PRRC2C: variants seen among roughly 807,000 people sequenced by gnomAD.
The protein encoded by PRRC2C is protein PRRC2C.
Under a neutral mutation model 317.2 loss-of-function variants are expected in PRRC2C, and 72 were observed. The ratio of observed to expected loss-of-function variants is 0.23; its 90% CI spans 0.19 to 0.28. The LOEUF (loss-of-function observed/expected upper bound fraction) is 0.28, where lower values mean the gene tolerates loss of function less well. Among genes scored for constraint, PRRC2C ranks in the 10% least tolerant of loss-of-function variants. The pLI is 1.00. For synonymous variants in PRRC2C, 1,296 were observed against 1,205.9 expected, an observed-to-expected ratio of 1.07 and a Z score of -1.55; for missense variants, 3,074 against 3,459.7, an observed-to-expected ratio of 0.89 and a Z score of 2.80.
chr1:171,588,881 T>C (rs1319544498), intron 33 of PRRC2C, among the ~76,000 whole-genome samples: 1 of 152,204 alleles, frequency 6.6e-6, no homozygotes, highest in African/African-American at 2.4e-5. Context: ...AGATAAAATT[T>C]CCAAAAAGAT....
chr1:171,582,723 T>C (rs539907101), intron 28 of PRRC2C, among the ~76,000 whole-genome samples: 2 of 152,192 alleles, frequency 1.3e-5, no homozygotes, highest in Admixed American at 6.5e-5. Context: ...GTACGTACCA[T>C]GTATAGAGCA....
chr1:171,515,462 A>C (rs1171132248), intron 4 of PRRC2C, among the ~76,000 whole-genome samples: 1 of 152,226 alleles, frequency 6.6e-6, no homozygotes, highest in African/African-American at 2.4e-5. Context: ...ATAATGAAAG[A>C]GAAACAAGCT....
intron 5 of PRRC2C, among the ~76,000 whole-genome samples, chr1:171,516,472 T>G (rs1170363265): frequency 1.3e-5 from 2 of 152,220 alleles, no homozygotes; most frequent in Non-Finnish European, 2.9e-5. Flanking sequence ...TATTTCACAT[T>G]TTTTAGCTCT....
In PRRC2C at chr1:171,591,883, CGGGAA is replaced by C; in HGVS notation, c.*37_*41del. On this transcript the variant is annotated 3_prime_UTR_variant, in exon 35 of 35. Coordinates refer to ENST00000647382, the MANE Select transcript of PRRC2C (RefSeq NM_001387844.1). ...TTATTGCAGGGGATTGGGAGGGGGG[CGGGAA>C]AACATGGAGAATTAAGTCAGATAAT... The C allele has an allele frequency of 4.4e-6, 5 of 1,126,324 alleles. No homozygotes were observed. The highest frequency in any genetic ancestry group is 1.8e-5 in the African/African-American group (1 of 55,068). 69.8% of individuals were successfully genotyped at this position (1,126,324 alleles called of 1,614,324 possible).
chr1:171,506,902 TAC>T (rs1670365097), intron 1 of PRRC2C, among the ~76,000 whole-genome samples: 1 of 152,288 alleles, frequency 6.6e-6, no homozygotes. Context: ...ACATATAGAA[TAC>T]AGTTATAAAG....
chr1:171,569,889 T>C (rs1445105101), intron 23 of PRRC2C, among the ~76,000 whole-genome samples: 1 of 152,006 alleles, frequency 6.6e-6, no homozygotes, highest in East Asian at 1.9e-4. Flanking sequence ...AAAAAATTAT[T>C]ATTCTCAGAA....
intron 11 of PRRC2C, among the ~76,000 whole-genome samples, chr1:171,528,784 C>T (rs1384527194): frequency 6.6e-6 from 1 of 152,022 alleles, no homozygotes. Context: ...GAGTCATTGA[C>T]ATAGTTGATT....
At chr1:171,528,445 C>T (rs1044571943) in intron 11 of PRRC2C, among the ~76,000 whole-genome samples, 4 of 152,054 alleles carry the variant, frequency 2.6e-5, no homozygotes, top group South Asian at 2.1e-4. Context: ...CCCGCCACCA[C>T]GCCCGGCTAA....
rs59582313 is a variant in PRRC2C, at chr1:171,577,950, C to CTT, written c.7159+330_7159+331dup. Among the ~76,000 whole-genome samples, 66 of 103,732 alleles carry CTT rather than the reference C, an allele frequency of 6.4e-4. 1 individual carries two copies. Among genetic ancestry groups the CTT allele is most frequent in the South Asian group, 1.4e-3 (4 of 2,800 alleles). 68.1% of individuals were successfully genotyped at this position (103,732 alleles called of 152,430 possible). On this transcript the variant is annotated intron_variant, in intron 26 of 34. Coordinates refer to ENST00000647382, the MANE Select transcript of PRRC2C (RefSeq NM_001387844.1). ...ACACCACCACACCCAGCTAATTTTT[C>CTT]TTTTTTTTTTTTTTTTTTGCATTTT... is the stretch of plus-strand genomic sequence containing the variant.
At chr1:171,544,869 C>T (rs1431474935) in intron 16 of PRRC2C, among the ~76,000 whole-genome samples, 2 of 152,058 alleles carry the variant, frequency 1.3e-5, no homozygotes, top group Non-Finnish European at 2.9e-5. Flanking sequence ...AATTAGTAAA[C>T]CCATTTCCCA....
At chr1:171,504,584 G>A (rs1669825487) in intron 1 of PRRC2C, among the ~76,000 whole-genome samples, 1 of 152,160 alleles carries the variant, frequency 6.6e-6, no homozygotes, top group African/African-American at 2.4e-5. Context: ...ATGCTTATGT[G>A]TATTTATATT....
At chr1:171,526,701 A>C (rs1389758697) in intron 10 of PRRC2C, among the ~76,000 whole-genome samples, 1 of 152,146 alleles carries the variant, frequency 6.6e-6, no homozygotes, top group African/African-American at 2.4e-5. Context: ...GTGATTGCAT[A>C]AAAGTAATCT....
At chr1:171,550,736 C>G (rs926094831) in intron 18 of PRRC2C, among the ~76,000 whole-genome samples, 3 of 151,396 alleles carry the variant, frequency 2.0e-5, no homozygotes, top group African/African-American at 2.4e-5. Context: ...TCTGTCCTTG[C>G]AATAGTTTGC....
intron 6 of PRRC2C, among the ~76,000 whole-genome samples, chr1:171,518,480 TCAATTTTTTTTCAA>T (rs1368588474): frequency 7.8e-6 from 1 of 127,760 alleles, no homozygotes; most frequent in Non-Finnish European, 1.7e-5. Flanking sequence ...CAATTTTTTT[TCAATTTTTTTTCAA>T]TTTTTTTTTT....
At chr1:171,581,844 A>G (rs749810826) in intron 28 of PRRC2C, among the ~76,000 whole-genome samples, 1 of 152,202 alleles carries the variant, frequency 6.6e-6, no homozygotes, top group Non-Finnish European at 1.5e-5. Context: ...ACAAAGCATA[A>G]TGTTCTTTAA....
intron 1 of PRRC2C, among the ~76,000 whole-genome samples, chr1:171,490,871 G>C (rs1011613700): frequency 6.6e-6 from 1 of 152,150 alleles, no homozygotes; most frequent in Admixed American, 6.5e-5. Flanking sequence ...TAAAACCTAG[G>C]TTTAGTCCTT....
chr1:171,490,793 G>A (rs1667009056), intron 1 of PRRC2C, among the ~76,000 whole-genome samples: 1 of 152,160 alleles, frequency 6.6e-6, no homozygotes, highest in East Asian at 1.9e-4. Context: ...GGTTAAAGGG[G>A]GAAGAGGGAA....
At position 171,584,020 on chromosome 1, in the gene PRRC2C, A is replaced by G. The variant is rs890367972; in HGVS notation, c.7474A>G (p.Ile2492Val). ...ATCTGTGGTCCTTTCTGGTACTGCT[A>G]TTCACAACTTTCCAACTGTCCAACA... Reference protein sequence around the residue: ...QPSVVLSGTAIHNFPTVQHQE... With the variant: ...QPSVVLSGTAVHNFPTVQHQE... The change falls in exon 29 of 35, where the codon ATT becomes GTT. Residue 2492 changes from isoleucine (I) to valine (V), a missense_variant. Around this residue, in one of 11 missense-constraint regions of PRRC2C, gnomAD observed 490 missense variants for 663.1 expected, o/e 0.74. Coordinates refer to ENST00000647382, the MANE Select transcript of PRRC2C (RefSeq NM_001387844.1). 8.1e-6 allele frequency: 13 copies of G among 1,613,914 alleles called. No individual in the cohort carries two copies. The highest frequency in any genetic ancestry group is 5.0e-5 in the Admixed American group (3 of 60,012).
intron 18 of PRRC2C, among the ~76,000 whole-genome samples, chr1:171,553,569 A>G (rs1480317249): frequency 1.3e-5 from 2 of 152,106 alleles, no homozygotes; most frequent in Admixed American, 6.5e-5. Flanking sequence ...TAGGGTATCA[A>G]TTTCAGATCT....
Sources: allele counts gnomAD v4.1 joint callset (sites outside exome capture counted in the v4.1 genomes callset), GRCh38; gene constraint gnomAD v4.1.1; regional missense constraint gnomAD v4.1.1; transcripts MANE v1.5; gene names NCBI Gene and HGNC (gene_info 2026-07-23, HGNC 2026-07-21).